ADAM10: variants seen among roughly 807,000 people sequenced by gnomAD.
The protein encoded by ADAM10 is disintegrin and metalloproteinase domain-containing protein 10.
In ADAM10, 17 loss-of-function variants were observed where a neutral mutation model predicts 90.1. The observed-to-expected ratio is 0.19, with a 90% CI of 0.13 to 0.28. The LOEUF (loss-of-function observed/expected upper bound fraction) is 0.28, where lower values mean the gene tolerates loss of function less well. Among genes scored for constraint, ADAM10 ranks in the 10% least tolerant of loss-of-function variants. The pLI, the probability that ADAM10 is intolerant of heterozygous loss-of-function variation, is 1.00. For missense variants in ADAM10, 610 were observed against 914.3 expected, an observed-to-expected ratio of 0.67 and a Z score of 4.29; for synonymous variants, 310 against 298.6, an observed-to-expected ratio of 1.04 and a Z score of -0.40.
chr15:58,723,538 T>C (rs543043737), intron 1 of ADAM10, among the ~76,000 whole-genome samples: 2 of 151,624 alleles, frequency 1.3e-5, no homozygotes, highest in African/African-American at 2.4e-5. Context: ...TAGTCTCTAC[T>C]AAAAATACAA....
chr15:58,744,998 T>G (rs1475450597), intron 1 of ADAM10, among the ~76,000 whole-genome samples: 1 of 152,112 alleles, frequency 6.6e-6, no homozygotes, highest in African/African-American at 2.4e-5. Context: ...GTCTGGCCAA[T>G]ATGGTGAAAC....
intron 2 of ADAM10, among the ~76,000 whole-genome samples, chr15:58,683,920 G>T (rs955364322): frequency 6.6e-6 from 1 of 150,934 alleles, no homozygotes; most frequent in African/African-American, 2.4e-5. Context: ...AGTATCCACG[G>T]GGGATTGGTT....
rs1305123651 is a variant in ADAM10, at chr15:58,741,293, T to C, written c.55+8187A>G. 2.6e-5 allele frequency among the ~76,000 whole-genome samples: 4 copies of C among 152,104 alleles called. No individual in the cohort carries two copies. In the East Asian group the frequency reaches 7.7e-4, roughly 29 times the overall value. On this transcript the variant is annotated intron_variant, in intron 1 of 15. Coordinates refer to ENST00000260408, the MANE Select transcript of ADAM10 (RefSeq NM_001110.4). Reference sequence around the variant, plus strand: ...CATGAAATCAAGAGTGTCAATCATATTTTTGAACTGAATAGCCTAATTCCA... The same window carrying C: ...CATGAAATCAAGAGTGTCAATCATACTTTTGAACTGAATAGCCTAATTCCA...
chr15:58,648,089 A>G lies in ADAM10; in HGVS notation c.586-1885T>C, dbSNP rs147766342. ...GCCAAACACACAAAAAAGGGTAACTATGTGAAATGATGGAAATGTTTATTT... is the reference window on the plus strand; with the variant it reads ...GCCAAACACACAAAAAAGGGTAACTGTGTGAAATGATGGAAATGTTTATTT... On this transcript the variant is annotated intron_variant, in intron 5 of 15. Transcript: ENST00000260408. Among the ~76,000 whole-genome samples the G allele has an allele frequency of 2.0e-3, 303 of 152,356 alleles. 1 individual carries two copies. Among genetic ancestry groups the G allele is most frequent in the African/African-American group, 6.8e-3 (283 of 41,584 alleles).
intron 3 of ADAM10, 132 bp from the exon 4 acceptor site, chr15:58,679,414 C>A (rs1897369330): frequency 2.5e-6 from 2 of 798,834 alleles, no homozygotes; most frequent in African/African-American, 3.5e-5. Flanking sequence ...ATGGTTAAAT[C>A]TTGAATATAA....
intron 11 of ADAM10, 113 bp downstream of exon 11, chr15:58,621,358 T>A: frequency 7.8e-7 from 1 of 1,281,390 alleles, no homozygotes; most frequent in Non-Finnish European, 1.1e-6. Context: ...AAACAACAGA[T>A]AAAAGCAAAG....
chr15:58,655,729 A>ATAGTG lies in ADAM10; in HGVS notation c.585+9367_585+9368insCACTA. ...ATATATAGTATATATATATATATATATATATATATATTCTTTTTTTTTTTT... is the reference window on the plus strand; with the variant it reads ...ATATATAGTATATATATATATATATATAGTGTATATATATATTCTTTTTTTTTTTT... On this transcript the variant is annotated intron_variant, in intron 5 of 15. Transcript: ENST00000260408. Among the ~76,000 whole-genome samples the ATAGTG allele has an allele frequency of 2.0e-5, 2 of 100,114 alleles. 1 individual carries two copies. Among genetic ancestry groups the ATAGTG allele is most frequent in the Non-Finnish European group, 4.0e-5 (2 of 50,276 alleles). 65.7% of individuals were successfully genotyped at this position (100,114 alleles called of 152,430 possible). A position where few individuals can be genotyped will look rare whatever the true frequency, so the allele number is the denominator to read the frequency against.
At chr15:58,625,386 G>A (rs1895907389) in intron 10 of ADAM10, among the ~76,000 whole-genome samples, 1 of 152,052 alleles carries the variant, frequency 6.6e-6, no homozygotes, top group Admixed American at 6.5e-5. Flanking sequence ...TTTATAAATG[G>A]CCAATAAGTA....
intron 9 of ADAM10, chr15:58,629,213 T>C (rs1419098995): frequency 6.6e-6 from 1 of 152,162 alleles, no homozygotes; most frequent in Admixed American, 6.5e-5. Context: ...CACTAAAATA[T>C]AAAAATATAA....
chr15:58,644,066 C>G, intron 6 of ADAM10, 88 bp from the exon 7 acceptor site: 1 of 931,928 alleles, frequency 1.1e-6, no homozygotes, highest in South Asian at 1.4e-5. Flanking sequence ...AGTAATTATT[C>G]ATGTCCTGCC....
At chr15:58,610,156 T>C (rs958608510) in intron 14 of ADAM10, 141 bp downstream of exon 14, 2 of 757,068 alleles carry the variant, frequency 2.6e-6, no homozygotes, top group Admixed American at 2.1e-5. Context: ...ACCAGAAATA[T>C]TAGAACTTTA....
intron 1 of ADAM10, among the ~76,000 whole-genome samples, chr15:58,736,809 C>G (rs1164737500): frequency 6.6e-6 from 1 of 151,906 alleles, no homozygotes; most frequent in Admixed American, 6.6e-5. Context: ...TAGATTGGAT[C>G]TACGAGATAG....
intron 14 of ADAM10, chr15:58,609,035 T>C (rs1342394054): frequency 6.6e-6 from 1 of 151,904 alleles, no homozygotes; most frequent in African/African-American, 2.4e-5. Context: ...GAGTTGAAAA[T>C]AAAGAAGGGC....
chr15:58,619,471 T>C (rs1440852487), intron 11 of ADAM10, among the ~76,000 whole-genome samples: 2 of 152,222 alleles, frequency 1.3e-5, no homozygotes, highest in Non-Finnish European at 2.9e-5. Flanking sequence ...AGATTTAAAA[T>C]GTTCCCAAGA....
intron 5 of ADAM10, 109 bp downstream of exon 5, chr15:58,664,988 C>A (rs540904394): frequency 2.3e-6 from 2 of 886,636 alleles, no homozygotes; most frequent in Admixed American, 1.8e-5. Flanking sequence ...ACATTCCCCA[C>A]AGTGGTGTTA....
chr15:58,714,833 T>A lies in ADAM10; in HGVS notation c.206+2744A>T, dbSNP rs1307118623. Among the ~76,000 whole-genome samples the A allele has an allele frequency of 3.3e-5, 5 of 152,130 alleles. No individual in the cohort carries two copies. The East Asian group carries it at 9.6e-4, about 29-fold the overall frequency. ...AGGAGTTACAGTGTACCAAGACTAA[T>A]ATTTGTTAGACGATAGAAGAGGAAG... On this transcript the variant is annotated intron_variant, in intron 2 of 15. Transcript: ENST00000260408.
chr15:58,676,882 T>C (rs1229326400), intron 4 of ADAM10, among the ~76,000 whole-genome samples: 1 of 152,234 alleles, frequency 6.6e-6, no homozygotes, highest in African/African-American at 2.4e-5. Context: ...TATTTATGTG[T>C]TTCTTTGGCT....
rs1899347685 is a variant in ADAM10, at chr15:58,733,994, A to C, written c.55+15486T>G. Among the ~76,000 whole-genome samples, 5 of 151,746 alleles carry C rather than the reference A, an allele frequency of 3.3e-5. No homozygotes were observed. The South Asian group carries it at 1.0e-3, about 31-fold the overall frequency. ...ATCCAATATATTCAAATTCACATTA[A>C]AATCTGGCTAACAAACATTTTTAAA... On this transcript the variant is annotated intron_variant, in intron 1 of 15. Transcript: ENST00000260408.
chr15:58,709,598 G>T (rs924210931), intron 2 of ADAM10, among the ~76,000 whole-genome samples: 1 of 152,076 alleles, frequency 6.6e-6, no homozygotes, highest in South Asian at 2.1e-4. Context: ...AAATTAGCCA[G>T]GTGTCGTGGT....
Sources: gnomAD v4.1 joint callset for allele counts (sites outside exome capture counted in the v4.1 genomes callset) on GRCh38, gnomAD v4.1.1 for gene constraint, MANE v1.5 for transcripts, NCBI Gene and HGNC (gene_info 2026-07-23, HGNC 2026-07-21) for gene names.